Variants in OGT observed in about 807,000 individuals in gnomAD.
OGT encodes O-linked N-acetylglucosamine (GlcNAc) transferase.
In OGT, 3 loss-of-function variants were observed where a neutral mutation model predicts 75.8. That is an observed-to-expected ratio of 0.04 (90% confidence interval 0.02 to 0.10). The LOEUF (loss-of-function observed/expected upper bound fraction) is 0.10. Ranked by LOEUF, OGT falls within the 10% of genes least tolerant of loss-of-function variation. OGT has a pLI of 1.00. For synonymous variants in OGT, 257 were observed against 289.7 expected, an observed-to-expected ratio of 0.89 and a Z score of 1.15; for missense variants, 260 against 824.4, an observed-to-expected ratio of 0.32 and a Z score of 8.38.
chrX:71,546,460 G>A (rs766599971), intron 4 of OGT: 720 of 752,193 alleles, frequency 9.6e-4, no homozygotes, highest in Middle Eastern at 4.5e-3. Flanking sequence ...AGCAAGGAAC[G>A]CACCGAAAAG....
In OGT at chrX:71,555,132, TTTTGTG is replaced by T. The variant is rs2040333343; in HGVS notation, c.729-56_729-51del. 15 of 690,854 alleles carry T rather than the reference TTTTGTG, an allele frequency of 2.2e-5. No homozygotes were observed. The South Asian group carries it at 6.0e-4, about 28-fold the overall frequency. The allele number at this position is 690,854 out of a possible 1,213,427, so 56.9% of individuals were successfully genotyped here. ...AACCATCCATTAAGCATGAGTTACA[TTTTGTG>T]TGTGTGTGTGTGTGTGTGTGTGTGT... On this transcript the variant is annotated intron_variant, in intron 6 of 21. Transcript: ENST00000373719.
intron 5 of OGT, among the ~76,000 whole-genome samples, chrX:71,550,958 A>T (rs1470420570): frequency 1.8e-5 from 2 of 111,301 alleles, no homozygotes; most frequent in Non-Finnish European, 3.8e-5. Context: ...GACTGGAGGA[A>T]TAAGTTTTAG....
At chrX:71,544,174 G>A (rs780626371) in intron 3 of OGT, among the ~76,000 whole-genome samples, 1 of 111,340 alleles carries the variant, frequency 9.0e-6, no homozygotes, top group Non-Finnish European at 1.9e-5. Flanking sequence ...TGAAGCTAAT[G>A]GGGCCAAATG....
chrX:71,572,291 T>C (rs1181185744), intron 21 of OGT, among the ~76,000 whole-genome samples: 1 of 112,380 alleles, frequency 8.9e-6, no homozygotes, highest in African/African-American at 3.2e-5. Context: ...TCATCAAGTT[T>C]ATTTCTTTTG....
chrX:71,554,671 C>A (rs751007127), intron 6 of OGT, 79 bp downstream of exon 6: 6 of 772,715 alleles, frequency 7.8e-6, no homozygotes, highest in Non-Finnish European at 9.9e-6. Flanking sequence ...GAAATGATGA[C>A]AATAGTCCAT....
At chrX:71,533,673 T>G (rs2040151600) in intron 1 of OGT, among the ~76,000 whole-genome samples, 1 of 111,164 alleles carries the variant, frequency 9.0e-6, no homozygotes, top group South Asian at 3.8e-4. Flanking sequence ...TCCCTGCCCT[T>G]TCACTCCTTT....
At position 71,537,968 on chromosome X, in the gene OGT, C is replaced by T. The variant is rs745523420; in HGVS notation, c.358C>T (p.Pro120Ser). 6.6e-6 allele frequency: 8 copies of T among 1,211,894 alleles called. No homozygotes were observed. The South Asian group carries it at 7.0e-5, about 11-fold the overall frequency. Residue 120 changes from proline (P) to serine (S), a missense_variant, in exon 3 of 22, where the codon CCT becomes TCT. Physicochemically the swap from Pro to Ser is moderately conservative, Grantham distance 74. This residue lies in a region of OGT where 38 missense variants were observed against 117.1 expected (regional missense o/e 0.32). Coordinates refer to ENST00000373719, the MANE Select transcript of OGT (RefSeq NM_181672.3). ...EHYRHALRLK[P>S]DFIDGYINLA... ...TTATCGACATGCATTGCGTCTCAAACCTGATTTCATCGATGGTTATATTAA... is the reference window on the plus strand; with the variant it reads ...TTATCGACATGCATTGCGTCTCAAATCTGATTTCATCGATGGTTATATTAA...
intron 14 of OGT, among the ~76,000 whole-genome samples, chrX:71,560,287 A>G (rs1446837089): frequency 9.2e-6 from 1 of 108,602 alleles, no homozygotes; most frequent in Non-Finnish European, 1.9e-5. Flanking sequence ...AAAAAAAAAA[A>G]AAAAAAAGAA....
intron 3 of OGT, among the ~76,000 whole-genome samples, chrX:71,540,362 G>C (rs2040208950): frequency 8.9e-6 from 1 of 112,238 alleles, no homozygotes; most frequent in Non-Finnish European, 1.9e-5. Flanking sequence ...TGCATCATTA[G>C]TACATTGTGT....
intron 14 of OGT, among the ~76,000 whole-genome samples, chrX:71,560,290 A>AG (rs1006774308): frequency 8.3e-5 from 9 of 108,784 alleles, no homozygotes; most frequent in South Asian, 3.9e-4. Flanking sequence ...AAAAAAAAAA[A>AG]AAAAGAAAAA....
chrX:71,553,473 T>G (rs2040321546), intron 5 of OGT: 2 of 110,024 alleles, frequency 1.8e-5, no homozygotes, highest in South Asian at 3.9e-4. Flanking sequence ...GTGTGTGTGT[T>G]TTTTTTTGTT....
chrX:71,573,507 G>T, intron 21 of OGT, 113 bp from the exon 22 acceptor site: 1 of 556,000 alleles, frequency 1.8e-6, no homozygotes, highest in Non-Finnish European at 2.8e-6. Flanking sequence ...AAATGAGATA[G>T]CGTAGAGTTT....
intron 6 of OGT, among the ~76,000 whole-genome samples, 199 bp downstream of exon 6, chrX:71,554,791 A>G (rs184104810): frequency 8.9e-6 from 1 of 112,262 alleles, no homozygotes; most frequent in Non-Finnish European, 1.9e-5. Context: ...CTTTCCTCAA[A>G]GCCGTTATCC....
chrX:71,551,390 G>T (rs1439096415), intron 5 of OGT, among the ~76,000 whole-genome samples: 1 of 112,307 alleles, frequency 8.9e-6, no homozygotes, highest in African/African-American at 3.2e-5. Context: ...CCAGCACTTC[G>T]GGAGGCCATG....
rs746234829 is a variant in OGT, at chrX:71,544,769, G to A, written c.531+134G>A. 3.6e-5 allele frequency: 19 copies of A among 523,407 alleles called. No individual in the cohort carries two copies. The East Asian group carries it at 6.6e-4, about 18-fold the overall frequency. The allele number at this position is 523,407 out of a possible 1,213,427, so 43.1% of individuals were successfully genotyped here. On this transcript the variant is annotated intron_variant, in intron 4 of 21. Coordinates refer to ENST00000373719, the MANE Select transcript of OGT (RefSeq NM_181672.3). Reference sequence around the variant, plus strand: ...CTGAGGAAAACTGACGGCACGAATCGCCTCAGAATAGAGCAGGGCCAGGCT... The same window carrying A: ...CTGAGGAAAACTGACGGCACGAATCACCTCAGAATAGAGCAGGGCCAGGCT...
At chrX:71,566,810 C>T (rs1301017106) in intron 19 of OGT, among the ~76,000 whole-genome samples, 1 of 112,546 alleles carries the variant, frequency 8.9e-6, no homozygotes, top group Non-Finnish European at 1.9e-5. Context: ...CACAGTACTA[C>T]TTTTTTAAAA....
At position 71,574,470 on chromosome X, in the gene OGT, A is replaced by G. The variant is rs1051791113; in HGVS notation, c.*676A>G. The G allele has an allele frequency of 9.1e-6, 1 of 110,381 alleles. No homozygotes were observed. Among genetic ancestry groups the G allele is most frequent in the African/African-American group, 3.3e-5 (1 of 30,257 alleles). The allele number at this position is 110,381 out of a possible 1,213,427, so 9.1% of individuals were successfully genotyped here. ...CATTTCCTTTTCTTCCCTGACCCCC[A>G]TACCCTCACCCTTAAAATTCTCCTG... On this transcript the variant is annotated 3_prime_UTR_variant, in exon 22 of 22. Transcript: ENST00000373719.
chrX:71,544,484 AGCTAGAT>A, intron 3 of OGT, 76 bp from the exon 4 acceptor site: 1 of 872,313 alleles, frequency 1.1e-6, no homozygotes. Context: ...AATGGCAGGG[AGCTAGAT>A]GCTTAAAAGT....
rs769210124 is a variant in OGT, at chrX:71,554,633, G to A, written c.728+41G>A. Reference sequence around the variant, plus strand: ...GTTTAATAAATTTTCTTGAATCTTTGTTGTATTGACACTTGACAGTTTGGA... The same window carrying A: ...GTTTAATAAATTTTCTTGAATCTTTATTGTATTGACACTTGACAGTTTGGA... On this transcript the variant is annotated intron_variant, in intron 6 of 21. Coordinates refer to ENST00000373719, the MANE Select transcript of OGT (RefSeq NM_181672.3). The A allele has an allele frequency of 3.8e-5, 39 of 1,035,775 alleles. No individual in the cohort carries two copies. In the East Asian group the frequency reaches 1.2e-3, roughly 31 times the overall value. The allele number at this position is 1,035,775 out of a possible 1,213,427, so 85.4% of individuals were successfully genotyped here. A position where few individuals can be genotyped will look rare whatever the true frequency, so the allele number is the denominator to read the frequency against.
Sources: allele counts gnomAD v4.1 joint callset (sites outside exome capture counted in the v4.1 genomes callset), GRCh38; gene constraint gnomAD v4.1.1; regional missense constraint gnomAD v4.1.1; transcripts MANE v1.5; gene names NCBI Gene and HGNC (gene_info 2026-07-23, HGNC 2026-07-21).